Variants in ILRUN observed in about 807,000 individuals in gnomAD.
ILRUN encodes inflammation and lipid regulator with UBA-like and NBR1-like domains.
Under a neutral mutation model 33.8 loss-of-function variants are expected in ILRUN, and 3 were observed. That is an observed-to-expected ratio of 0.09 (90% confidence interval 0.04 to 0.23). The LOEUF (loss-of-function observed/expected upper bound fraction) is 0.23. ILRUN is among the 10% of genes least tolerant of loss of function. The pLI is 1.00. For missense variants in ILRUN, 210 were observed against 375.1 expected, an observed-to-expected ratio of 0.56 and a Z score of 3.64; for synonymous variants, 124 against 138.9, an observed-to-expected ratio of 0.89 and a Z score of 0.75.
chr6:34,651,734 T>TAAA (rs10618162), intron 2 of ILRUN, among the ~76,000 whole-genome samples: 1 of 132,758 alleles, frequency 7.5e-6, no homozygotes, highest in Non-Finnish European at 1.6e-5. Context: ...CCTCATTTAT[T>TAAA]AAAAAAAAAA....
chr6:34,681,068 A>C (rs373900271), intron 1 of ILRUN, among the ~76,000 whole-genome samples: 18 of 152,140 alleles, frequency 1.2e-4, no homozygotes, highest in African/African-American at 4.3e-4. Context: ...AAAAGTAAAA[A>C]ATAAAATTTA....
In ILRUN at chr6:34,605,167, G is replaced by A. The variant is rs548432677; in HGVS notation, c.861+1388C>T. Among the ~76,000 whole-genome samples the A allele has an allele frequency of 4.5e-4, 69 of 152,156 alleles. No homozygotes were observed. In the South Asian group the frequency reaches 9.4e-3, roughly 21 times the overall value. The stretch of plus-strand genomic sequence containing the variant: ...ACTAACAATACAAAATTAGCTGGGC[G>A]TGGTGGCACATGTCTGTAATCCCAG... On this transcript the variant is annotated intron_variant, in intron 4 of 4. Coordinates refer to ENST00000374023, the MANE Select transcript of ILRUN (RefSeq NM_024294.4).
rs78930611 is a variant in ILRUN at position 34,645,076 on chromosome 6, T to C, written c.511+1525A>G. On this transcript the variant is annotated intron_variant, in intron 3 of 4. Transcript: ENST00000374023. ...AAGCACTATGAGACTCTTTCTAATA[T>C]TAACATTTCTAAAGTTGCCACTGGC... Among the ~76,000 whole-genome samples, 649 of 152,274 alleles carry C rather than the reference T, an allele frequency of 4.3e-3. 5 individuals carry two copies. The highest frequency in any genetic ancestry group is 0.014 in the African/African-American group (602 of 41,546).
intron 3 of ILRUN, among the ~76,000 whole-genome samples, chr6:34,642,191 G>A (rs183417327): frequency 4.5e-4 from 68 of 152,294 alleles, no homozygotes; most frequent in African/African-American, 1.6e-3. Flanking sequence ...AAGAAGGGAC[G>A]ACATGACGCT....
intron 2 of ILRUN, among the ~76,000 whole-genome samples, chr6:34,650,360 AATCT>A (rs1762636004): frequency 6.6e-6 from 1 of 151,832 alleles, no homozygotes. Context: ...TGCAAATCTA[AATCT>A]AAGGACTTAA....
chr6:34,613,141 G>A (rs1761795829), intron 3 of ILRUN, among the ~76,000 whole-genome samples: 1 of 152,134 alleles, frequency 6.6e-6, no homozygotes, highest in South Asian at 2.1e-4. Context: ...AACCTAAGAG[G>A]AGGTGGAGGT....
Position 34,661,293 on chromosome 6 carries a change from T to C in ILRUN, c.159-6514A>G, listed in dbSNP as rs1011146608. Among the ~76,000 whole-genome samples the C allele has an allele frequency of 5.9e-5, 9 of 152,312 alleles. No individual in the cohort carries two copies. In the East Asian group the frequency reaches 1.5e-3, roughly 26 times the overall value. On this transcript the variant is annotated intron_variant, in intron 1 of 4. Transcript: ENST00000374023. ...CATTTAAAGATCAAGGGTCATAAAA[T>C]GTCTACAACTTTCAAATGATTTTTT...
At chr6:34,691,733 T>C (rs1763654558) in intron 1 of ILRUN, among the ~76,000 whole-genome samples, 1 of 151,816 alleles carries the variant, frequency 6.6e-6, no homozygotes, top group Non-Finnish European at 1.5e-5. Flanking sequence ...GAGGCAGAGG[T>C]TGCAGTGAGC....
chr6:34,666,082 A>T (rs1033195931), intron 1 of ILRUN, among the ~76,000 whole-genome samples: 2 of 152,210 alleles, frequency 1.3e-5, no homozygotes, highest in African/African-American at 4.8e-5. Flanking sequence ...GCAAAAAGGT[A>T]AACAAACCTT....
rs1307971938 is a variant in ILRUN at position 34,593,822 on chromosome 6, GT to G, written c.862-3223del. On this transcript the variant is annotated intron_variant, in intron 4 of 4. Transcript: ENST00000374023. ...CTCCCCCACACACAGTATCATAGGT[GT>G]CTCATGTGGATCACAGAACACAGGC... is the stretch of plus-strand genomic sequence containing the variant. Among the ~76,000 whole-genome samples, 13 of 152,258 alleles carry G rather than the reference GT, an allele frequency of 8.5e-5. No individual in the cohort carries two copies. The South Asian group carries it at 2.7e-3, about 32-fold the overall frequency.
intron 1 of ILRUN, among the ~76,000 whole-genome samples, chr6:34,660,526 C>CA (rs1196927043): frequency 1.3e-5 from 2 of 152,046 alleles, no homozygotes; most frequent in African/African-American, 4.8e-5. Flanking sequence ...GCATGAACAA[C>CA]AGCATCTTAG....
intron 3 of ILRUN, among the ~76,000 whole-genome samples, chr6:34,626,594 C>G (rs1762137141): frequency 1.3e-5 from 2 of 152,160 alleles, no homozygotes; most frequent in African/African-American, 4.8e-5. Flanking sequence ...TTGTTACAAT[C>G]GATGAACCAA....
intron 1 of ILRUN, among the ~76,000 whole-genome samples, chr6:34,673,858 C>CAT (rs1763168993): frequency 2.0e-5 from 3 of 149,162 alleles, no homozygotes; most frequent in South Asian, 2.1e-4. Context: ...CACACACACA[C>CAT]GCTGGGTGAC....
intron 3 of ILRUN, among the ~76,000 whole-genome samples, chr6:34,627,482 A>G (rs1582058057): frequency 6.6e-6 from 1 of 152,212 alleles, no homozygotes; most frequent in Non-Finnish European, 1.5e-5. Context: ...CATTCTCACC[A>G]GCAGTGAATG....
intron 1 of ILRUN, among the ~76,000 whole-genome samples, chr6:34,677,317 A>AAG (rs992552900): frequency 2.0e-5 from 3 of 152,160 alleles, no homozygotes; most frequent in Non-Finnish European, 4.4e-5. Flanking sequence ...AAAGGAAAAA[A>AAG]AGAGAGAGAG....
chr6:34,616,413 A>T (rs938203671), intron 3 of ILRUN: 3 of 516,610 alleles, frequency 5.8e-6, no homozygotes, highest in Non-Finnish European at 1.0e-5. Context: ...CTCATATTTC[A>T]TCTCTATAGA....
rs553343717 is a variant in ILRUN at position 34,587,703 on chromosome 6, G to C, written c.*2862C>G. On this transcript the variant is annotated 3_prime_UTR_variant, in exon 5 of 5. Coordinates refer to ENST00000374023, the MANE Select transcript of ILRUN (RefSeq NM_024294.4). ...GCTTAAGGTTACAGCCAGTCCTTAT[G>C]GGGGAGAGAAGGCTGACTGCTTCTT... The C allele has an allele frequency of 5.4e-6, 1 of 186,876 alleles. No homozygotes were observed. Among genetic ancestry groups the C allele is most frequent in the East Asian group, 1.3e-4 (1 of 7,610 alleles). The allele number at this position is 186,876 out of a possible 1,614,324, so 11.6% of individuals were successfully genotyped here.
At chr6:34,694,281 A>G (rs1247909618) in intron 1 of ILRUN, among the ~76,000 whole-genome samples, 6 of 152,338 alleles carry the variant, frequency 3.9e-5, no homozygotes, top group Non-Finnish European at 8.8e-5. Flanking sequence ...AAAGAACTTA[A>G]AACTTACTAG....
intron 3 of ILRUN, among the ~76,000 whole-genome samples, chr6:34,626,487 T>G (rs1049621825): frequency 6.6e-6 from 1 of 152,252 alleles, no homozygotes; most frequent in African/African-American, 2.4e-5. Context: ...GTATTTTATT[T>G]TTTTATAGCA....
Sources: gnomAD v4.1 joint callset for allele counts (sites outside exome capture counted in the v4.1 genomes callset) on GRCh38, gnomAD v4.1.1 for gene constraint, MANE v1.5 for transcripts, NCBI Gene and HGNC (gene_info 2026-07-23, HGNC 2026-07-21) for gene names.